The following SMIM36 variants were observed in gnomAD, a reference collection of about 807,000 sequenced individuals.
SMIM36 encodes the protein small integral membrane protein 36.
intron 1 of SMIM36, among the ~76,000 whole-genome samples, chr17:55,497,107 A>G (rs982985329): frequency 2.6e-5 from 4 of 152,052 alleles, no homozygotes; most frequent in African/African-American, 9.7e-5. Flanking sequence ...ACCCCATAAT[A>G]TCTTTCCTTT....
At chr17:55,477,361 C>A (rs559102612) in intron 3 of SMIM36, among the ~76,000 whole-genome samples, 2 of 152,256 alleles carry the variant, frequency 1.3e-5, no homozygotes, top group East Asian at 1.9e-4. Context: ...ACATTCAATT[C>A]TTGAGTTCCC....
At chr17:55,530,205 C>A in the SMIM36 span, among the ~76,000 whole-genome samples, 2 of 152,122 alleles carry the variant, frequency 1.3e-5, no homozygotes, top group Non-Finnish European at 2.9e-5. Flanking sequence ...GGATAGGAAC[C>A]CAATTTGGCT....
chr17:55,527,460 T>C, the SMIM36 span, among the ~76,000 whole-genome samples: 5 of 152,218 alleles, frequency 3.3e-5, no homozygotes, highest in Non-Finnish European at 7.3e-5. Flanking sequence ...ACTGATTTTA[T>C]GATCAGGTCG....
At chr17:55,456,260 T>A (rs895674871) in intron 4 of SMIM36, among the ~76,000 whole-genome samples, 9 of 151,996 alleles carry the variant, frequency 5.9e-5, no homozygotes, top group Non-Finnish European at 7.3e-5. Context: ...GCAGTTAATT[T>A]TCCCTATACA....
At chr17:55,451,363 A>C (rs1421872336) in intron 4 of SMIM36, among the ~76,000 whole-genome samples, 3 of 152,298 alleles carry the variant, frequency 2.0e-5, no homozygotes, top group African/African-American at 7.2e-5. Flanking sequence ...GAAGCAGGCC[A>C]AGATCTTTCT....
chr17:55,480,086 T>A (rs916226255), intron 1 of SMIM36, among the ~76,000 whole-genome samples: 1 of 152,054 alleles, frequency 6.6e-6, no homozygotes, highest in Non-Finnish European at 1.5e-5. Context: ...CACTTCCAGT[T>A]CAGCACCAGG....
At chr17:55,452,583 A>G (rs1908939972) in intron 4 of SMIM36, among the ~76,000 whole-genome samples, 1 of 152,216 alleles carries the variant, frequency 6.6e-6, no homozygotes, top group Non-Finnish European at 1.5e-5. Flanking sequence ...TGCCATGAAC[A>G]GCACACAGAA....
intron 1 of SMIM36, among the ~76,000 whole-genome samples, chr17:55,508,778 C>G (rs1184400218): frequency 6.6e-6 from 1 of 151,658 alleles, no homozygotes. Flanking sequence ...CAAAAATTAG[C>G]TGCGTGTGGT....
chr17:55,464,088 C>G (rs1185306530), intron 4 of SMIM36, among the ~76,000 whole-genome samples: 1 of 152,074 alleles, frequency 6.6e-6, no homozygotes, highest in African/African-American at 2.4e-5. Context: ...GCACTCCAGC[C>G]TGGGTGACAA....
the SMIM36 span, among the ~76,000 whole-genome samples, chr17:55,526,492 G>C: frequency 6.6e-6 from 1 of 152,006 alleles, no homozygotes; most frequent in African/African-American, 2.4e-5. Flanking sequence ...TGTTATAGAT[G>C]AGGGAAATGA....
Position 55,467,025 on chromosome 17 carries a change from AG to A in SMIM36, c.*531+119del, listed in dbSNP as rs1221519750. The A allele has an allele frequency of 2.0e-5, 3 of 152,394 alleles. No homozygotes were observed. In the East Asian group the frequency reaches 5.8e-4, roughly 29 times the overall value. 9.4% of individuals were successfully genotyped at this position (152,394 alleles called of 1,614,324 possible). On this transcript the variant is annotated intron_variant, in intron 4 of 4. Transcript: ENST00000636752. Reference sequence around the variant, plus strand: ...TTGAGTGTTCTGAGACAACATACAGAGGAACTGCAATTCGTTACACTCACCA... The same window carrying A: ...TTGAGTGTTCTGAGACAACATACAGAGAACTGCAATTCGTTACACTCACCA...
chr17:55,510,084 T>C (rs1276237561), intron 1 of SMIM36, among the ~76,000 whole-genome samples: 1 of 152,108 alleles, frequency 6.6e-6, no homozygotes, highest in Non-Finnish European at 1.5e-5. Flanking sequence ...CTCATTTAAA[T>C]AGCCCCAAAA....
chr17:55,487,760 A>G (rs1004219170), intron 1 of SMIM36, among the ~76,000 whole-genome samples: 1 of 152,186 alleles, frequency 6.6e-6, no homozygotes, highest in Non-Finnish European at 1.5e-5. Context: ...AAAACATCAC[A>G]GAAAGGAGAG....
the SMIM36 span, among the ~76,000 whole-genome samples, chr17:55,519,676 G>C: frequency 1.3e-5 from 2 of 152,134 alleles, no homozygotes; most frequent in South Asian, 4.1e-4. Flanking sequence ...AATGAGGTGA[G>C]CTAAGTGCTC....
At chr17:55,454,677 G>A (rs1031250205) in intron 4 of SMIM36, among the ~76,000 whole-genome samples, 2 of 152,054 alleles carry the variant, frequency 1.3e-5, no homozygotes, top group African/African-American at 4.8e-5. Flanking sequence ...GTGTGTTATG[G>A]GCTTTCTATG....
intron 1 of SMIM36, among the ~76,000 whole-genome samples, chr17:55,508,855 G>A (rs575137592): frequency 1.3e-4 from 19 of 151,104 alleles, no homozygotes; most frequent in African/African-American, 2.9e-4. Flanking sequence ...CCCGGGAGGC[G>A]GAGGTTGCAG....
rs55879501 is a variant in SMIM36 at position 55,508,431 on chromosome 17, A to AATATATATATATATATAT, written c.*174+2430_*174+2447dup. Among the ~76,000 whole-genome samples, 191 of 114,288 alleles carry AATATATATATATATATAT rather than the reference A, an allele frequency of 1.7e-3. 15 individuals carry two copies. The highest frequency in any genetic ancestry group is 5.7e-3 in the African/African-American group (161 of 28,358). The allele number at this position is 114,288 out of a possible 152,430, so 75.0% of individuals were successfully genotyped here. A position where few individuals can be genotyped will look rare whatever the true frequency, so the allele number is the denominator to read the frequency against. On this transcript the variant is annotated intron_variant, in intron 1 of 4. Coordinates refer to ENST00000636752, the Ensembl canonical transcript of SMIM36. The stretch of plus-strand genomic sequence containing the variant: ...CATATTTTATATATATATTCCTAGG[A>AATATATATATATATATAT]ATATATATATATATATATATATATA...
intron 1 of SMIM36, among the ~76,000 whole-genome samples, chr17:55,480,073 C>T (rs771655460): frequency 3.3e-5 from 5 of 151,990 alleles, no homozygotes; most frequent in East Asian, 1.9e-4. Flanking sequence ...GTAACCTTGC[C>T]GCCACTTCCA....
intron 4 of SMIM36, among the ~76,000 whole-genome samples, chr17:55,451,167 G>C (rs1486722928): frequency 6.6e-6 from 1 of 152,182 alleles, no homozygotes; most frequent in Non-Finnish European, 1.5e-5. Flanking sequence ...TTACAGGTGT[G>C]AGCCACTGTG....
Sources: gnomAD v4.1 joint callset for allele counts (sites outside exome capture counted in the v4.1 genomes callset) on GRCh38, gnomAD v4.1.1 for gene constraint, MANE v1.5 for transcripts, NCBI Gene and HGNC (gene_info 2026-07-23, HGNC 2026-07-21) for gene names.